The following DENND1B variants were observed in gnomAD, a reference collection of about 807,000 sequenced individuals.
The protein encoded by DENND1B is DENN domain-containing protein 1B.
In DENND1B, 59 loss-of-function variants were observed where a neutral mutation model predicts 90.1. That is an observed-to-expected ratio of 0.65 (90% confidence interval 0.53 to 0.81). The LOEUF (loss-of-function observed/expected upper bound fraction) is 0.81, where lower values mean the gene tolerates loss of function less well. Ranked by LOEUF, DENND1B falls within the 40% of genes least tolerant of loss-of-function variation. DENND1B has a pLI of 0.00. For missense variants in DENND1B, 862 were observed against 912.6 expected (o/e 0.94, Z 0.71); for synonymous variants, 337 against 324.6 (o/e 1.04, Z -0.41).
rs1404964773 is a variant in DENND1B, at chr1:197,509,606, G to A, written c.*854C>T. ...TGATGATATGAAGCATTTTGATAGAGAATTATTAGTTAAAAAAAGATTTTT... is the reference window on the plus strand; with the variant it reads ...TGATGATATGAAGCATTTTGATAGAAAATTATTAGTTAAAAAAAGATTTTT... On this transcript the variant is annotated 3_prime_UTR_variant, in exon 23 of 23. Transcript: ENST00000620048. The A allele has an allele frequency of 1.4e-5, 2 of 146,514 alleles. No homozygotes were observed. Among genetic ancestry groups the A allele is most frequent in the African/African-American group, 5.1e-5 (2 of 39,566 alleles). 9.1% of individuals were successfully genotyped at this position (146,514 alleles called of 1,614,324 possible). A position where few individuals can be genotyped will look rare whatever the true frequency, so the allele number is the denominator to read the frequency against.
intron 2 of DENND1B, among the ~76,000 whole-genome samples, chr1:197,744,995 T>G (rs1039540162): frequency 4.6e-5 from 7 of 152,230 alleles, no homozygotes; most frequent in African/African-American, 1.7e-4. Context: ...CAAATTTTTC[T>G]TCTGCTGCTT....
intron 7 of DENND1B, among the ~76,000 whole-genome samples, chr1:197,648,119 T>C (rs1442766891): frequency 6.6e-6 from 1 of 152,148 alleles, no homozygotes; most frequent in Non-Finnish European, 1.5e-5. Context: ...TCAGCTACAA[T>C]TTAGCTATTT....
intron 14 of DENND1B, among the ~76,000 whole-genome samples, chr1:197,590,394 T>C (rs1675091003): frequency 6.6e-6 from 1 of 152,166 alleles, no homozygotes; most frequent in Non-Finnish European, 1.5e-5. Flanking sequence ...AGTACATTAA[T>C]TTTATCTCAC....
At chr1:197,739,754 G>T (rs1228121350) in intron 2 of DENND1B, among the ~76,000 whole-genome samples, 1 of 151,948 alleles carries the variant, frequency 6.6e-6, no homozygotes, top group Non-Finnish European at 1.5e-5. Flanking sequence ...TCAGTAATAA[G>T]AAACCAACCC....
intron 2 of DENND1B, among the ~76,000 whole-genome samples, chr1:197,749,699 G>A (rs948679840): frequency 4.6e-5 from 7 of 151,750 alleles, no homozygotes; most frequent in African/African-American, 1.5e-4. Context: ...TGCAAGAAAT[G>A]GTAAATAGTA....
intron 16 of DENND1B, among the ~76,000 whole-genome samples, chr1:197,547,987 A>C (rs549843993): frequency 7.9e-5 from 12 of 152,334 alleles, no homozygotes; most frequent in African/African-American, 2.2e-4. Context: ...AGTATTCTGG[A>C]AAGTGTTTTA....
At chr1:197,657,544 CA>C (rs1653968547) in intron 6 of DENND1B, among the ~76,000 whole-genome samples, 1 of 152,018 alleles carries the variant, frequency 6.6e-6, no homozygotes, top group African/African-American at 2.4e-5. Context: ...TTTGCACATA[CA>C]TTACAAAACT....
chr1:197,518,571 G>A (rs1393028259), intron 20 of DENND1B, among the ~76,000 whole-genome samples: 3 of 151,870 alleles, frequency 2.0e-5, no homozygotes, highest in Non-Finnish European at 2.9e-5. Context: ...GTTTTCTTGG[G>A]CTTAGTTGCT....
chr1:197,614,817 G>C (rs1281846377), intron 11 of DENND1B, among the ~76,000 whole-genome samples: 2 of 150,912 alleles, frequency 1.3e-5, no homozygotes, highest in African/African-American at 4.9e-5. Flanking sequence ...GAGTCATATA[G>C]CCTAAATAGT....
chr1:197,513,029 T>C (rs567088400), intron 20 of DENND1B, 76 bp from the exon 21 acceptor site: 9 of 1,263,850 alleles, frequency 7.1e-6, no homozygotes, highest in Non-Finnish European at 9.9e-6. Context: ...AAAGCAACAA[T>C]GTGATTTCAT....
At chr1:197,515,080 T>C (rs372424442) in intron 20 of DENND1B, among the ~76,000 whole-genome samples, 155 of 151,718 alleles carry the variant, frequency 1.0e-3, no homozygotes, top group African/African-American at 3.3e-3. Flanking sequence ...ATCTAGATAA[T>C]TGTCTTCTTT....
chr1:197,638,558 G>T (rs1679991683), intron 10 of DENND1B, among the ~76,000 whole-genome samples: 1 of 152,178 alleles, frequency 6.6e-6, no homozygotes, highest in Non-Finnish European at 1.5e-5. Flanking sequence ...AGAGGCATAT[G>T]ACAAGGCTTC....
chr1:197,726,359 C>T (rs934680506), intron 2 of DENND1B, among the ~76,000 whole-genome samples: 7 of 152,214 alleles, frequency 4.6e-5, no homozygotes, highest in Non-Finnish European at 7.4e-5. Context: ...TTTGCAGAAC[C>T]GCAACCCAGG....
chr1:197,518,875 G>A (rs1668579410), intron 20 of DENND1B, among the ~76,000 whole-genome samples: 1 of 151,620 alleles, frequency 6.6e-6, no homozygotes, highest in African/African-American at 2.4e-5. Context: ...CTTTGAAATG[G>A]GCAAAAAAAA....
At chr1:197,561,497 T>C (rs975734602) in intron 15 of DENND1B, among the ~76,000 whole-genome samples, 2 of 151,884 alleles carry the variant, frequency 1.3e-5, no homozygotes, top group African/African-American at 4.8e-5. Context: ...CTATTTATAC[T>C]TTTTCCTTTG....
chr1:197,754,884 A>G (rs192315153), intron 2 of DENND1B, among the ~76,000 whole-genome samples: 38 of 152,246 alleles, frequency 2.5e-4, no homozygotes, highest in Admixed American at 9.8e-4. Flanking sequence ...TGGGTGATAG[A>G]ATTTTAGTCT....
chr1:197,657,365 G>C (rs879543858), intron 6 of DENND1B, among the ~76,000 whole-genome samples: 3 of 152,202 alleles, frequency 2.0e-5, no homozygotes, highest in Admixed American at 2.0e-4. Context: ...TGACTCTCCA[G>C]GTTGACTTAG....
intron 2 of DENND1B, among the ~76,000 whole-genome samples, chr1:197,771,245 G>C (rs1028235946): frequency 6.6e-6 from 1 of 152,034 alleles, no homozygotes; most frequent in Non-Finnish European, 1.5e-5. Context: ...GTTACTTCAC[G>C]CACCTTCGGT....
At chr1:197,741,885 C>G (rs1319048441) in intron 2 of DENND1B, among the ~76,000 whole-genome samples, 1 of 152,074 alleles carries the variant, frequency 6.6e-6, no homozygotes, top group Non-Finnish European at 1.5e-5. Flanking sequence ...AGCTCTTCCA[C>G]TTTATAACTT....
Sources: allele counts gnomAD v4.1 joint callset (sites outside exome capture counted in the v4.1 genomes callset), GRCh38; gene constraint gnomAD v4.1.1; transcripts MANE v1.5; gene names NCBI Gene and HGNC (gene_info 2026-07-23, HGNC 2026-07-21).